The following CDK19 variants were observed in gnomAD, a reference collection of about 807,000 sequenced individuals.
CDK19 encodes cyclin dependent kinase 19.
A neutral mutation model predicts 68.3 loss-of-function variants in CDK19; 20 were observed. That is an observed-to-expected ratio of 0.29 (90% CI 0.21 to 0.43). The LOEUF is 0.43. Among genes scored for constraint, CDK19 ranks in the 20% least tolerant of loss-of-function variants. The pLI is 1.00. For synonymous variants in CDK19, 221 were observed against 222.8 expected (o/e 0.99, Z 0.07); for missense variants, 339 against 623.5 (o/e 0.54, Z 4.86).
At chr6:110,733,436 G>A (rs886678602) in intron 2 of CDK19, among the ~76,000 whole-genome samples, 10 of 152,116 alleles carry the variant, frequency 6.6e-5, no homozygotes, top group Non-Finnish European at 1.2e-4. Flanking sequence ...TTGTAGTCAT[G>A]TGCATTAATT....
chr6:110,699,523 C>G (rs552106304), intron 2 of CDK19, among the ~76,000 whole-genome samples: 1 of 151,270 alleles, frequency 6.6e-6, no homozygotes, highest in Non-Finnish European at 1.5e-5. Flanking sequence ...GGGAGCTAAG[C>G]TATGGATACA....
chr6:110,666,087 T>A (rs1781907091), intron 4 of CDK19, among the ~76,000 whole-genome samples: 1 of 138,606 alleles, frequency 7.2e-6, no homozygotes, highest in Non-Finnish European at 1.7e-5. Context: ...AATAGTAAAG[T>A]GGACACATGG....
chr6:110,694,318 A>G (rs1773294718), intron 2 of CDK19, among the ~76,000 whole-genome samples: 1 of 143,856 alleles, frequency 7.0e-6, no homozygotes. Flanking sequence ...AAAGGAAACT[A>G]TGTTTCCATG....
intron 4 of CDK19, among the ~76,000 whole-genome samples, chr6:110,641,368 A>T (rs1209894043): frequency 1.3e-5 from 2 of 152,192 alleles, no homozygotes; most frequent in East Asian, 3.9e-4. Context: ...AGGCCGAGGT[A>T]CGTGGATCAC....
intron 2 of CDK19, among the ~76,000 whole-genome samples, chr6:110,732,508 C>A (rs547799988): frequency 6.6e-6 from 1 of 152,018 alleles, no homozygotes; most frequent in African/African-American, 2.4e-5. Flanking sequence ...TACACTCCAG[C>A]GTGGGCAACA....
chr6:110,724,215 G>A (rs185247550), intron 2 of CDK19, among the ~76,000 whole-genome samples: 4 of 152,076 alleles, frequency 2.6e-5, no homozygotes, highest in East Asian at 3.9e-4. Flanking sequence ...TTAGCCAGGC[G>A]TGGTGGCGCA....
At chr6:110,678,230 T>G (rs1469172030) in intron 2 of CDK19, among the ~76,000 whole-genome samples, 1 of 151,968 alleles carries the variant, frequency 6.6e-6, no homozygotes, top group Non-Finnish European at 1.5e-5. Flanking sequence ...TTAAGTGATC[T>G]CATCTAGTCT....
chr6:110,803,273 G>GT (rs1782461321), intron 1 of CDK19, among the ~76,000 whole-genome samples: 1 of 152,154 alleles, frequency 6.6e-6, no homozygotes, highest in African/African-American at 2.4e-5. Context: ...TAGAGACGGG[G>GT]TTTCATTGTG....
At chr6:110,809,911 TGAG>T (rs1343927494) in intron 1 of CDK19, among the ~76,000 whole-genome samples, 12 of 152,168 alleles carry the variant, frequency 7.9e-5, no homozygotes, top group African/African-American at 2.4e-5. Flanking sequence ...GAAACACAGC[TGAG>T]GAGTACACCG....
At chr6:110,809,374 A>C (rs564050777) in intron 1 of CDK19, among the ~76,000 whole-genome samples, 11 of 151,920 alleles carry the variant, frequency 7.2e-5, no homozygotes, top group African/African-American at 2.7e-4. Context: ...ACAACAACAA[A>C]AATTAGCCAG....
intron 4 of CDK19, among the ~76,000 whole-genome samples, chr6:110,664,648 G>C (rs557236848): frequency 6.6e-6 from 1 of 152,128 alleles, no homozygotes; most frequent in Non-Finnish European, 1.5e-5. Context: ...TGTGTACAGG[G>C]GCAGTAGTGT....
chr6:110,728,294 A>AG, intron 2 of CDK19, among the ~76,000 whole-genome samples: 1 of 151,206 alleles, frequency 6.6e-6, no homozygotes, highest in East Asian at 1.9e-4. Flanking sequence ...TCTCAAAAAA[A>AG]AAAAAAAAAG....
chr6:110,791,442 C>T (rs1412657749), intron 1 of CDK19, among the ~76,000 whole-genome samples: 3 of 151,686 alleles, frequency 2.0e-5, no homozygotes, highest in African/African-American at 7.3e-5. Flanking sequence ...AAGGACAGAA[C>T]ACAACTATTG....
intron 2 of CDK19, among the ~76,000 whole-genome samples, chr6:110,724,367 T>A (rs1002117789): frequency 9.2e-5 from 14 of 151,556 alleles, no homozygotes; most frequent in African/African-American, 3.1e-4. Flanking sequence ...AAAAAAAAAA[T>A]ACCAACAAAA....
chr6:110,646,187 C>A (rs901675145), intron 4 of CDK19: 31 of 1,262,804 alleles, frequency 2.5e-5, no homozygotes, highest in Non-Finnish European at 3.1e-5. Flanking sequence ...AGAGCCTGTT[C>A]CTCCGCATCC....
chr6:110,800,181 A>G (rs186504528), intron 1 of CDK19, among the ~76,000 whole-genome samples: 20 of 152,340 alleles, frequency 1.3e-4, no homozygotes. Context: ...AAGTAGCAAT[A>G]AAGAGTGGGA....
At chr6:110,672,266 T>C (rs1444247033) in intron 2 of CDK19, among the ~76,000 whole-genome samples, 2 of 152,170 alleles carry the variant, frequency 1.3e-5, no homozygotes, top group African/African-American at 2.4e-5. Context: ...CAGCCTGAAG[T>C]AGATGGGAAA....
chr6:110,704,156 G>A (rs1384315457), intron 2 of CDK19, among the ~76,000 whole-genome samples: 1 of 152,112 alleles, frequency 6.6e-6, no homozygotes, highest in South Asian at 2.1e-4. Context: ...CTCCTGTTTG[G>A]TCAAGACAGA....
In CDK19 at chr6:110,612,428, T is replaced by G. The variant is rs1297502424; in HGVS notation, c.*2107A>C. On this transcript the variant is annotated 3_prime_UTR_variant, in exon 13 of 13. Transcript: ENST00000368911. ...GGGATAGTAACTACCCAAGTGGGTT[T>G]AGAAGTAAACAAAAAGACCTTCATA... The G allele has an allele frequency of 6.6e-6, 1 of 152,618 alleles. No homozygotes were observed. The highest frequency in any genetic ancestry group is 1.5e-5 in the Non-Finnish European group (1 of 68,030). 9.5% of individuals were successfully genotyped at this position (152,618 alleles called of 1,614,324 possible).
Sources: allele counts gnomAD v4.1 joint callset (sites outside exome capture counted in the v4.1 genomes callset), GRCh38; gene constraint gnomAD v4.1.1; transcripts MANE v1.5; gene names NCBI Gene and HGNC (gene_info 2026-07-23, HGNC 2026-07-21).